Variants in SRRM3 observed in about 807,000 individuals in gnomAD.
The protein encoded by SRRM3 is serine/arginine repetitive matrix 3.
Under a neutral mutation model 66.2 loss-of-function variants are expected in SRRM3, and 27 were observed. That is an observed-to-expected ratio of 0.41 (90% CI 0.30 to 0.56). The LOEUF is 0.56. Among genes scored for constraint, SRRM3 ranks in the 20% least tolerant of loss-of-function variants. The pLI, the probability that SRRM3 is intolerant of heterozygous loss-of-function variation, is 0.32. For synonymous variants in SRRM3, 391 were observed against 414.9 expected, an observed-to-expected ratio of 0.94 and a Z score of 0.70; for missense variants, 918 against 991.9, an observed-to-expected ratio of 0.93 and a Z score of 1.00.
chr7:76,261,352 C>A lies in SRRM3; in HGVS notation c.576C>A (p.Ser192Arg). The A allele has an allele frequency of 1.4e-6, 2 of 1,417,380 alleles. No individual in the cohort carries two copies. The highest frequency in any genetic ancestry group is 1.9e-6 in the Non-Finnish European group (2 of 1,058,722). 87.8% of individuals were successfully genotyped at this position (1,417,380 alleles called of 1,614,324 possible). ...AGAGCCCACCTCCCTGTGTCCACAG[C>A]TGTGGGAGCTCCTCACCCCTCCGCA... The part of the protein sequence containing the change: ...RKKRRLESEC[S>R]CGSSSPLRKK... Residue 192 changes from serine (S) to arginine (R), a missense_variant and splice_region_variant, in exon 7 of 15, where the codon AGC becomes AGA. Coordinates refer to ENST00000611745, the MANE Select transcript of SRRM3 (RefSeq NM_001110199.3).
At chr7:76,232,036 T>A (rs1278619283) in intron 1 of SRRM3, among the ~76,000 whole-genome samples, 2 of 152,150 alleles carry the variant, frequency 1.3e-5, no homozygotes, top group East Asian at 3.9e-4. Flanking sequence ...TTCGACAGAA[T>A]GCAAAGGGGT....
At chr7:76,256,763 G>A (rs1356641936) in intron 3 of SRRM3, among the ~76,000 whole-genome samples, 4 of 147,930 alleles carry the variant, frequency 2.7e-5, no homozygotes, top group African/African-American at 5.0e-5. Flanking sequence ...AGGCTAGAGT[G>A]CAATGGCATG....
chr7:76,250,626 G>A (rs1321308989), intron 3 of SRRM3, among the ~76,000 whole-genome samples: 1 of 152,144 alleles, frequency 6.6e-6, no homozygotes, highest in African/African-American at 2.4e-5. Context: ...GTATTGCTGG[G>A]TAGTGAGGGG....
Position 76,230,486 on chromosome 7 carries a change from C to CA in SRRM3, c.-39-4533dup, listed in dbSNP as rs200662124. Among the ~76,000 whole-genome samples, 110 of 151,032 alleles carry CA rather than the reference C, an allele frequency of 7.3e-4. No homozygotes were observed. The Middle Eastern group carries it at 0.01, about 14-fold the overall frequency. The stretch of plus-strand genomic sequence containing the variant: ...GCAACATAGCAAGATCCCATCTCTA[C>CA]AAAAAAAAATTAAAAATCGTCTGGG... On this transcript the variant is annotated intron_variant, in intron 1 of 14. Coordinates refer to ENST00000611745, the MANE Select transcript of SRRM3 (RefSeq NM_001110199.3).
chr7:76,271,234 T>C (rs1252208652), intron 11 of SRRM3, among the ~76,000 whole-genome samples: 1 of 152,118 alleles, frequency 6.6e-6, no homozygotes, highest in Admixed American at 6.6e-5. Context: ...TTTGGGAGGC[T>C]GAGGCAGGAG....
At chr7:76,245,121 C>T (rs1377384695) in intron 2 of SRRM3, among the ~76,000 whole-genome samples, 1 of 152,244 alleles carries the variant, frequency 6.6e-6, no homozygotes, top group African/African-American at 2.4e-5. Flanking sequence ...TTACTGTAAA[C>T]ATCCAAGGAG....
chr7:76,227,376 G>A lies in SRRM3; in HGVS notation c.-39-7652G>A, dbSNP rs547661260. On this transcript the variant is annotated intron_variant, in intron 1 of 14. Transcript: ENST00000611745. The stretch of plus-strand genomic sequence containing the variant: ...CTCAAGCACCTCCAATTTGTTCTCC[G>A]TGTTCCCCATCACAATAAATGGCTG... Among the ~76,000 whole-genome samples, 23 of 152,242 alleles carry A rather than the reference G, an allele frequency of 1.5e-4. No homozygotes were observed. In the South Asian group the frequency reaches 2.9e-3, roughly 19 times the overall value.
At chr7:76,261,707 C>A in intron 8 of SRRM3, 126 bp downstream of exon 8, 1 of 1,100,128 alleles carries the variant, frequency 9.1e-7, no homozygotes, top group Non-Finnish European at 1.3e-6. Context: ...GGGTTCCTTC[C>A]CACAGCCAGG....
chr7:76,255,320 T>C, intron 3 of SRRM3, among the ~76,000 whole-genome samples: 1 of 151,814 alleles, frequency 6.6e-6, no homozygotes, highest in Non-Finnish European at 1.5e-5. Flanking sequence ...CAGCTAATTT[T>C]GTATTTTTAG....
intron 2 of SRRM3, among the ~76,000 whole-genome samples, chr7:76,241,584 A>G (rs1801297479): frequency 6.6e-6 from 1 of 152,084 alleles, no homozygotes; most frequent in South Asian, 2.1e-4. Flanking sequence ...GCTCACTGCA[A>G]CCTCTGTCTC....
intron 1 of SRRM3, among the ~76,000 whole-genome samples, chr7:76,203,553 T>G (rs1800213544): frequency 6.6e-6 from 1 of 152,198 alleles, no homozygotes; most frequent in Non-Finnish European, 1.5e-5. Flanking sequence ...TGGATAAATG[T>G]GGAATAGTGT....
chr7:76,282,705 G>A lies in SRRM3; in HGVS notation c.1428G>A (p.Ala476=). ...RPASTSPSPG[A]HGRRGGPEGK... ...CCAGCACCTCTCCGTCCCCGGGCGC[G>A]CACGGCCGGCGCGGCGGCCCAGAAG... is the stretch of plus-strand genomic sequence containing the variant. Residue 476 remains alanine, a synonymous_variant, in exon 13 of 15, where the codon GCG becomes GCA. Coordinates refer to ENST00000611745, the MANE Select transcript of SRRM3 (RefSeq NM_001110199.3). The A allele has an allele frequency of 7.0e-7, 1 of 1,421,076 alleles. No individual in the cohort carries two copies. The allele number at this position is 1,421,076 out of a possible 1,614,324, so 88.0% of individuals were successfully genotyped here. A position where few individuals can be genotyped will look rare whatever the true frequency, so the allele number is the denominator to read the frequency against.
chr7:76,282,575 C>CCCCGG, intron 12 of SRRM3, 73 bp from the exon 13 acceptor site: 6 of 658,458 alleles, frequency 9.1e-6, no homozygotes, highest in East Asian at 4.1e-5. Context: ...AGCCCCGCCC[C>CCCCGG]AGGGAACCCT....
At chr7:76,213,368 G>A (rs2116943501) in intron 1 of SRRM3, among the ~76,000 whole-genome samples, 1 of 152,222 alleles carries the variant, frequency 6.6e-6, no homozygotes, top group East Asian at 1.9e-4. Context: ...TTTTCTGTGT[G>A]CCGGCACTGC....
At chr7:76,253,746 G>A (rs1226942904) in intron 3 of SRRM3, among the ~76,000 whole-genome samples, 4 of 143,078 alleles carry the variant, frequency 2.8e-5, no homozygotes, top group Admixed American at 7.4e-5. Flanking sequence ...GCAGTGAGCC[G>A]AGATCCCGCC....
chr7:76,264,507 C>T (rs1335632250), intron 8 of SRRM3, among the ~76,000 whole-genome samples: 1 of 152,162 alleles, frequency 6.6e-6, no homozygotes, highest in Non-Finnish European at 1.5e-5. Context: ...ACTTCTGTGG[C>T]CCTCCCAGAC....
chr7:76,253,740 T>C (rs1023590133), intron 3 of SRRM3, among the ~76,000 whole-genome samples: 7 of 138,622 alleles, frequency 5.0e-5, no homozygotes, highest in African/African-American at 1.9e-4. Context: ...GAGGTTGCAG[T>C]GAGCCGAGAT....
At chr7:76,204,139 T>G (rs1800233025) in intron 1 of SRRM3, among the ~76,000 whole-genome samples, 1 of 152,176 alleles carries the variant, frequency 6.6e-6, no homozygotes, top group Admixed American at 6.6e-5. Flanking sequence ...TGGTTCACCC[T>G]CACCTCCTGA....
At position 76,240,742 on chromosome 7, in the gene SRRM3, C is replaced by T. The variant is rs1335227542; in HGVS notation, c.233+5443C>T. Among the ~76,000 whole-genome samples the T allele has an allele frequency of 3.3e-5, 5 of 152,300 alleles. No individual in the cohort carries two copies. The East Asian group carries it at 9.6e-4, about 29-fold the overall frequency. The stretch of plus-strand genomic sequence containing the variant: ...CCAAAGCCACAATGCATTTGGCATG[C>T]CCTTCCCTTATGGCCCATAGAGTGG... On this transcript the variant is annotated intron_variant, in intron 2 of 14. Coordinates refer to ENST00000611745, the MANE Select transcript of SRRM3 (RefSeq NM_001110199.3).
Sources: gnomAD v4.1 joint callset for allele counts (sites outside exome capture counted in the v4.1 genomes callset) on GRCh38, gnomAD v4.1.1 for gene constraint, MANE v1.5 for transcripts, NCBI Gene and HGNC (gene_info 2026-07-23, HGNC 2026-07-21) for gene names.